CCDC170: variants seen among roughly 807,000 people sequenced by gnomAD.
The protein encoded by CCDC170 is coiled-coil domain-containing protein 170.
Under a neutral mutation model 72.6 loss-of-function variants are expected in CCDC170, and 69 were observed. That is an observed-to-expected ratio of 0.95 (90% confidence interval 0.78 to 1.16). The LOEUF is 1.16. CCDC170 is among the 50% of genes most tolerant of loss of function. The pLI is 0.00. For missense variants in CCDC170, 852 were observed against 832.5 expected, an observed-to-expected ratio of 1.02 and a Z score of -0.29; for synonymous variants, 300 against 303.9, an observed-to-expected ratio of 0.99 and a Z score of 0.13.
chr6:151,497,727 G>A (rs1475118513), intron 1 of CCDC170, among the ~76,000 whole-genome samples: 5 of 152,018 alleles, frequency 3.3e-5, no homozygotes, highest in Non-Finnish European at 5.9e-5. Context: ...TGTAATCCCA[G>A]CACTTTGGGA....
intron 5 of CCDC170, among the ~76,000 whole-genome samples, chr6:151,561,398 G>A (rs1024573898): frequency 1.3e-5 from 2 of 151,940 alleles, no homozygotes; most frequent in East Asian, 3.9e-4. Context: ...AGCATTTCTT[G>A]TAGGTCTGGT....
chr6:151,544,019 A>T (rs1562277187), intron 3 of CCDC170, among the ~76,000 whole-genome samples: 1 of 152,290 alleles, frequency 6.6e-6, no homozygotes, highest in East Asian at 1.9e-4. Flanking sequence ...CTAATAATGA[A>T]CTTTGCTGGT....
Position 151,545,986 on chromosome 6 carries a change from C to T in CCDC170, c.588+1270C>T, listed in dbSNP as rs184156425. Among the ~76,000 whole-genome samples, 395 of 152,036 alleles carry T rather than the reference C, an allele frequency of 2.6e-3. 1 individual carries two copies. Among genetic ancestry groups the T allele is most frequent in the African/African-American group, 9.0e-3 (374 of 41,464 alleles). Reference sequence around the variant, plus strand: ...GGAGATGAGGTCTCACTATATTGCCCGGGCTAGTCTCTAACTCCTGGGCTC... The same window carrying T: ...GGAGATGAGGTCTCACTATATTGCCTGGGCTAGTCTCTAACTCCTGGGCTC... On this transcript the variant is annotated intron_variant, in intron 4 of 10. Transcript: ENST00000239374.
intron 1 of CCDC170, among the ~76,000 whole-genome samples, chr6:151,496,838 C>T (rs1781918476): frequency 6.6e-6 from 1 of 152,212 alleles, no homozygotes; most frequent in African/African-American, 2.4e-5. Context: ...AACATGGAAT[C>T]ATAAAACTTA....
intron 7 of CCDC170, among the ~76,000 whole-genome samples, chr6:151,592,820 T>C (rs1465596605): frequency 1.3e-5 from 2 of 152,212 alleles, no homozygotes; most frequent in African/African-American, 4.8e-5. Flanking sequence ...TCATCAAACA[T>C]AGCCAAATGT....
intron 1 of CCDC170, among the ~76,000 whole-genome samples, chr6:151,521,985 CAAA>C (rs34730093): frequency 0.094 from 7,357 of 78,072 alleles, 213 homozygotes; most frequent in East Asian, 0.16. Flanking sequence ...GACTCTGTCT[CAAA>C]AAAAAAAAAA....
rs2115047886 is a variant in CCDC170, at chr6:151,538,089, T to C, written c.231T>C (p.Cys77=). ...AGATGCTTTCTAAAGAAGTCTCCTG[T>C]CAAGAACTGAAAGCTGAAATGGAGA... ...RSKMLSKEVS[C]QELKAEMESY... Residue 77 remains cysteine, a synonymous_variant, in exon 3 of 11, where the codon TGT becomes TGC. Coordinates refer to ENST00000239374, the MANE Select transcript of CCDC170 (RefSeq NM_025059.4). 1 of 1,613,778 alleles carries C rather than the reference T, an allele frequency of 6.2e-7. No individual in the cohort carries two copies. Among genetic ancestry groups the C allele is most frequent in the Non-Finnish European group, 8.5e-7 (1 of 1,179,874 alleles).
At chr6:151,520,403 C>G (rs1230626849) in intron 1 of CCDC170, among the ~76,000 whole-genome samples, 1 of 152,236 alleles carries the variant, frequency 6.6e-6, no homozygotes, top group Non-Finnish European at 1.5e-5. Context: ...TGAAAGAGAT[C>G]TAATCTAACT....
At position 151,540,496 on chromosome 6, in the gene CCDC170, G is replaced by A. The variant is rs1016430565; in HGVS notation, c.443+2195G>A. Among the ~76,000 whole-genome samples, 6 of 141,554 alleles carry A rather than the reference G, an allele frequency of 4.2e-5. No homozygotes were observed. The South Asian group carries it at 1.4e-3, about 33-fold the overall frequency. 92.9% of individuals were successfully genotyped at this position (141,554 alleles called of 152,430 possible). On this transcript the variant is annotated intron_variant, in intron 3 of 10. Coordinates refer to ENST00000239374, the MANE Select transcript of CCDC170 (RefSeq NM_025059.4). ...CGCCTCCTGGGTTCAAGCAATTCTT[G>A]TGACTCAGCCTCCCAAGTAGCTGGG...
At position 151,573,440 on chromosome 6, in the gene CCDC170, C is replaced by T. The variant is rs758890443; in HGVS notation, c.1041C>T (p.Thr347=). Reference sequence around the variant, plus strand: ...GCATGACTGGGTCCACTGAGGACACCATTTTGGAGAAGATTCGAGAAATGG... The same window carrying T: ...GCATGACTGGGTCCACTGAGGACACTATTTTGGAGAAGATTCGAGAAATGG... The part of the protein sequence containing the change: ...RLSMTGSTED[T]ILEKIREMDS... The change falls in exon 6 of 11, where the codon ACC becomes ACT. Residue 347 remains threonine, a synonymous_variant. Coordinates refer to ENST00000239374, the MANE Select transcript of CCDC170 (RefSeq NM_025059.4). 3.2e-5 allele frequency: 51 copies of T among 1,613,988 alleles called. No individual in the cohort carries two copies. The highest frequency in any genetic ancestry group is 3.4e-5 in the Non-Finnish European group (40 of 1,180,020).
chr6:151,517,202 C>G (rs1398903302), intron 1 of CCDC170, among the ~76,000 whole-genome samples: 1 of 152,044 alleles, frequency 6.6e-6, no homozygotes, highest in Admixed American at 6.6e-5. Context: ...TGTGGTGGCA[C>G]ATGCCTATAA....
chr6:151,559,410 A>G (rs1036994534), intron 5 of CCDC170, among the ~76,000 whole-genome samples: 8 of 152,174 alleles, frequency 5.3e-5, no homozygotes, highest in African/African-American at 1.7e-4. Context: ...TTTTCCTTGT[A>G]GAAGTCTTTC....
intron 9 of CCDC170, among the ~76,000 whole-genome samples, chr6:151,599,534 G>A (rs1403813833): frequency 6.6e-6 from 1 of 152,164 alleles, no homozygotes; most frequent in African/African-American, 2.4e-5. Flanking sequence ...AAGCTGAGCA[G>A]TGGACAGGGG....
chr6:151,535,802 G>GT (rs1334657521), intron 1 of CCDC170, among the ~76,000 whole-genome samples: 1 of 152,118 alleles, frequency 6.6e-6, no homozygotes, highest in Non-Finnish European at 1.5e-5. Context: ...CTGGGGTGCA[G>GT]TGGTGCAATT....
chr6:151,511,894 C>T (rs1430591271), intron 1 of CCDC170, among the ~76,000 whole-genome samples: 1 of 152,176 alleles, frequency 6.6e-6, no homozygotes, highest in Non-Finnish European at 1.5e-5. Flanking sequence ...GCCACCCAGA[C>T]TGGACTGCGG....
chr6:151,516,414 T>C (rs1345416328), intron 1 of CCDC170, among the ~76,000 whole-genome samples: 1 of 152,128 alleles, frequency 6.6e-6, no homozygotes, highest in African/African-American at 2.4e-5. Context: ...ATAGATTGTT[T>C]TGTGGGTTTT....
At chr6:151,525,123 A>T (rs775764768) in intron 1 of CCDC170, among the ~76,000 whole-genome samples, 1 of 152,028 alleles carries the variant, frequency 6.6e-6, no homozygotes, top group Admixed American at 6.5e-5. Flanking sequence ...TAGTAGAGAC[A>T]GGGTTTCACT....
At chr6:151,514,719 G>A (rs557712022) in intron 1 of CCDC170, among the ~76,000 whole-genome samples, 1 of 152,248 alleles carries the variant, frequency 6.6e-6, no homozygotes, top group Admixed American at 6.5e-5. Context: ...TTGTAGGTGG[G>A]GAAAGATGGA....
intron 1 of CCDC170, among the ~76,000 whole-genome samples, chr6:151,502,989 G>A (rs1257039553): frequency 6.6e-6 from 1 of 152,086 alleles, no homozygotes. Flanking sequence ...CCAACATGGT[G>A]AAACCCCGTC....
Sources: allele counts gnomAD v4.1 joint callset (sites outside exome capture counted in the v4.1 genomes callset), GRCh38; gene constraint gnomAD v4.1.1; transcripts MANE v1.5; gene names NCBI Gene and HGNC (gene_info 2026-07-23, HGNC 2026-07-21).